The following ZMAT4 variants were observed in gnomAD, a reference collection of about 807,000 sequenced individuals.
ZMAT4 encodes zinc finger matrin-type protein 4.
In ZMAT4, 17 loss-of-function variants were observed where a neutral mutation model predicts 28.7. The ratio of observed to expected loss-of-function variants is 0.59; its 90% CI spans 0.41 to 0.89. The LOEUF (loss-of-function observed/expected upper bound fraction) is 0.89. Among genes scored for constraint, ZMAT4 ranks in the 40% least tolerant of loss-of-function variants. ZMAT4 has a pLI of 0.00. For missense variants in ZMAT4, 240 were observed against 283.8 expected (o/e 0.85, Z 1.11); for synonymous variants, 117 against 109.2 (o/e 1.07, Z -0.44).
At chr8:40,590,484 C>T (rs1342643881) in intron 5 of ZMAT4, among the ~76,000 whole-genome samples, 1 of 151,994 alleles carries the variant, frequency 6.6e-6, no homozygotes, top group African/African-American at 2.4e-5. Flanking sequence ...GGCTGAAAAT[C>T]AAACGGCTCT....
chr8:40,536,031 G>A (rs997328486), intron 6 of ZMAT4, among the ~76,000 whole-genome samples: 1 of 152,136 alleles, frequency 6.6e-6, no homozygotes, highest in African/African-American at 2.4e-5. Flanking sequence ...GTCATGACTT[G>A]GAACTTGTTC....
At chr8:40,843,790 G>A (rs1816783965) in intron 1 of ZMAT4, among the ~76,000 whole-genome samples, 1 of 152,228 alleles carries the variant, frequency 6.6e-6, no homozygotes, top group Non-Finnish European at 1.5e-5. Context: ...GGTGGCATGA[G>A]ATGGCAGAAG....
In ZMAT4 at chr8:40,757,161, G is replaced by A. The variant is rs184101884; in HGVS notation, c.192+10480C>T. 3.9e-5 allele frequency among the ~76,000 whole-genome samples: 6 copies of A among 152,282 alleles called. No individual in the cohort carries two copies. The East Asian group carries it at 7.7e-4, about 20-fold the overall frequency. ...ACTTGTTCATAGTATGGAAGCCGAA[G>A]CAGGAAGGCAGAGTCTTACTTGGTT... On this transcript the variant is annotated intron_variant, in intron 3 of 6. Coordinates refer to ENST00000297737, the MANE Select transcript of ZMAT4 (RefSeq NM_024645.3).
At chr8:40,553,612 A>G (rs565401684) in intron 6 of ZMAT4, among the ~76,000 whole-genome samples, 3 of 152,282 alleles carry the variant, frequency 2.0e-5, no homozygotes, top group Admixed American at 2.0e-4. Context: ...GCCTGATATC[A>G]TTTCATCCTT....
chr8:40,787,816 T>C (rs1814149964), intron 2 of ZMAT4, among the ~76,000 whole-genome samples: 2 of 152,216 alleles, frequency 1.3e-5, no homozygotes, highest in African/African-American at 4.8e-5. Flanking sequence ...TGAGGTTTCA[T>C]GTGCTGCTCA....
intron 2 of ZMAT4, among the ~76,000 whole-genome samples, chr8:40,787,630 G>A (rs1814142105): frequency 6.6e-6 from 1 of 152,018 alleles, no homozygotes; most frequent in South Asian, 2.1e-4. Flanking sequence ...TTGTGCTTTG[G>A]AGCCATTATT....
intron 1 of ZMAT4, among the ~76,000 whole-genome samples, chr8:40,827,965 T>A (rs1816133244): frequency 6.6e-6 from 1 of 152,240 alleles, no homozygotes; most frequent in Admixed American, 6.5e-5. Flanking sequence ...CCCTTGAGTG[T>A]CTGAAGATAA....
intron 3 of ZMAT4, among the ~76,000 whole-genome samples, chr8:40,753,941 G>A (rs767998746): frequency 7.9e-5 from 12 of 152,158 alleles, no homozygotes; most frequent in Admixed American, 3.3e-4. Context: ...TAATCCCAGT[G>A]TTTTGGGAGA....
chr8:40,791,111 C>T (rs59949463), intron 2 of ZMAT4, among the ~76,000 whole-genome samples: 18,366 of 152,196 alleles, frequency 0.12, 1,542 homozygotes, highest in East Asian at 0.34. Flanking sequence ...TCTATATCAG[C>T]ACCATATTAA....
At chr8:40,850,536 G>A (rs1817065416) in intron 1 of ZMAT4, among the ~76,000 whole-genome samples, 1 of 152,136 alleles carries the variant, frequency 6.6e-6, no homozygotes, top group African/African-American at 2.4e-5. Flanking sequence ...GCTTTGTGGG[G>A]TAGAGATCTC....
intron 6 of ZMAT4, among the ~76,000 whole-genome samples, chr8:40,550,606 G>A (rs1397393688): frequency 6.6e-6 from 1 of 152,086 alleles, no homozygotes; most frequent in Non-Finnish European, 1.5e-5. Flanking sequence ...TTTCCCTCAT[G>A]CTGTTCTCGT....
chr8:40,554,402 G>C (rs555531724), intron 6 of ZMAT4, among the ~76,000 whole-genome samples: 2 of 151,926 alleles, frequency 1.3e-5, no homozygotes, highest in African/African-American at 4.8e-5. Flanking sequence ...AATTAACTAA[G>C]TACTTAATTA....
chr8:40,550,246 C>G (rs1331176015), intron 6 of ZMAT4, among the ~76,000 whole-genome samples: 1 of 152,258 alleles, frequency 6.6e-6, no homozygotes, highest in South Asian at 2.1e-4. Context: ...CCCAAAGGCC[C>G]TGCTTTCTGA....
chr8:40,748,207 C>G (rs1184526739), intron 3 of ZMAT4, among the ~76,000 whole-genome samples: 21 of 152,132 alleles, frequency 1.4e-4, no homozygotes, highest in Admixed American at 1.4e-3. Context: ...ATGCTTGGCA[C>G]AAAGACAAAA....
intron 1 of ZMAT4, among the ~76,000 whole-genome samples, chr8:40,897,317 T>C (rs767748867): frequency 6.6e-6 from 1 of 152,106 alleles, no homozygotes; most frequent in Non-Finnish European, 1.5e-5. Flanking sequence ...ATCACGTTTC[T>C]CTCGGAACCA....
intron 3 of ZMAT4, among the ~76,000 whole-genome samples, chr8:40,737,017 T>C (rs535871169): frequency 6.6e-6 from 1 of 152,316 alleles, no homozygotes; most frequent in African/African-American, 2.4e-5. Flanking sequence ...TATAAAGCAT[T>C]TGGGCACAGA....
intron 6 of ZMAT4, among the ~76,000 whole-genome samples, chr8:40,554,126 G>A (rs547914618): frequency 1.3e-5 from 2 of 152,154 alleles, no homozygotes; most frequent in African/African-American, 4.8e-5. Context: ...TTTAGTTTTT[G>A]TAGTTATAAG....
intron 5 of ZMAT4, among the ~76,000 whole-genome samples, chr8:40,638,330 A>T (rs1806872306): frequency 1.3e-5 from 2 of 152,238 alleles, no homozygotes; most frequent in Non-Finnish European, 2.9e-5. Context: ...ACTCCAAAAT[A>T]TATGCAATTA....
intron 3 of ZMAT4, among the ~76,000 whole-genome samples, chr8:40,754,774 G>T (rs1214667996): frequency 2.0e-5 from 3 of 152,188 alleles, no homozygotes; most frequent in Middle Eastern, 3.2e-3. Flanking sequence ...CACTTTGAGA[G>T]GCCAAGACGG....
Sources: gnomAD v4.1 joint callset for allele counts (sites outside exome capture counted in the v4.1 genomes callset) on GRCh38, gnomAD v4.1.1 for gene constraint, MANE v1.5 for transcripts, NCBI Gene and HGNC (gene_info 2026-07-23, HGNC 2026-07-21) for gene names.